The following PCDHGB2 variants were observed in gnomAD, a reference collection of about 807,000 sequenced individuals.
The protein encoded by PCDHGB2 is protocadherin gamma subfamily B, 2, also known as protocadherin gamma-B2.
PCDHGB2 carries 55 observed loss-of-function variants against 59.3 expected under a neutral mutation model. The ratio of observed to expected loss-of-function variants is 0.93; its 90% CI spans 0.75 to 1.16. The LOEUF (loss-of-function observed/expected upper bound fraction) is 1.16. PCDHGB2 is among the 50% of genes most tolerant of loss of function. The probability of loss-of-function intolerance (pLI) is 0.00; values close to 1 mark genes in which losing one functional copy is unlikely to be tolerated. For synonymous variants in PCDHGB2, 516 were observed against 512.0 expected (o/e 1.01, Z -0.11); for missense variants, 1,228 against 1,198.5 (o/e 1.02, Z -0.36).
intron 1 of PCDHGB2, chr5:141,408,124 G>A: frequency 1.4e-6 from 2 of 1,478,862 alleles, no homozygotes; most frequent in Non-Finnish European, 1.8e-6. Context: ...CCTGTCCTGG[G>A]CCGAATGCTC....
At chr5:141,458,319 T>C (rs2879229) in intron 1 of PCDHGB2, among the ~76,000 whole-genome samples, 84,591 of 151,864 alleles carry the variant, frequency 0.56, 26,265 homozygotes, top group African/African-American at 0.85. Flanking sequence ...CACAGACACA[T>C]GTGGAGTGGT....
At chr5:141,423,003 G>A (rs779233337) in intron 1 of PCDHGB2, 1 of 1,614,208 alleles carries the variant, frequency 6.2e-7, no homozygotes, top group African/African-American at 1.3e-5. Flanking sequence ...TGACCAAGGT[G>A]GTTGCGGTGG....
chr5:141,405,279 C>G, intron 1 of PCDHGB2: 1 of 1,614,144 alleles, frequency 6.2e-7, no homozygotes, highest in Non-Finnish European at 8.5e-7. Flanking sequence ...CCCAACTATG[C>G]AGACACACTC....
intron 1 of PCDHGB2, among the ~76,000 whole-genome samples, chr5:141,456,303 G>A (rs941370138): frequency 6.6e-6 from 1 of 152,156 alleles, no homozygotes; most frequent in Non-Finnish European, 1.5e-5. Flanking sequence ...ATGGAGAACA[G>A]CAGCTAGGGC....
At chr5:141,378,150 T>C (rs915126320) in intron 1 of PCDHGB2, 8 of 152,250 alleles carry the variant, frequency 5.3e-5, no homozygotes, top group African/African-American at 1.7e-4. Flanking sequence ...ATTATAATTA[T>C]TGGGTTGTTA....
rs769467027 is a variant in PCDHGB2, at chr5:141,477,255, A to G, written c.2422-17552A>G. On this transcript the variant is annotated intron_variant, in intron 1 of 3. Transcript: ENST00000522605. This position sits in a 1 kb window ranked among gnomAD's most constrained non-coding sequence, Gnocchi z 4.9. ...GCTTTGCTCAGTGTGACTGACCTGGATGCTGGCGAGAACGGGCTGGTGACC... is the reference window on the plus strand; with the variant it reads ...GCTTTGCTCAGTGTGACTGACCTGGGTGCTGGCGAGAACGGGCTGGTGACC... 1 of 1,614,146 alleles carries G rather than the reference A, an allele frequency of 6.2e-7. No individual in the cohort carries two copies. Among genetic ancestry groups the G allele is most frequent in the East Asian group, 2.2e-5 (1 of 44,874 alleles).
chr5:141,432,053 C>T lies in PCDHGB2; in HGVS notation c.2422-62754C>T. The T allele has an allele frequency of 6.2e-7, 1 of 1,614,240 alleles. No homozygotes were observed. Among genetic ancestry groups the T allele is most frequent in the South Asian group, 1.1e-5 (1 of 91,082 alleles). ...CGCCACTGACCGGGGAACCCCGCCC[C>T]TATCCACGGAAACTCATATCTCGCT... On this transcript the variant is annotated intron_variant, in intron 1 of 3. Transcript: ENST00000522605. The surrounding 1 kb of genome is among the most constrained non-coding windows in gnomAD (Gnocchi z 6.0).
intron 1 of PCDHGB2, among the ~76,000 whole-genome samples, chr5:141,479,798 G>C (rs892288776): frequency 6.6e-6 from 1 of 152,234 alleles, no homozygotes; most frequent in East Asian, 1.9e-4. Context: ...ATTAATTCAG[G>C]GTGGTATGCA....
intron 1 of PCDHGB2, chr5:141,409,728 C>G (rs13184503): frequency 6.2e-7 from 1 of 1,613,134 alleles, no homozygotes; most frequent in Admixed American, 1.7e-5. Flanking sequence ...TCAGTGAGCG[C>G]GCAGAGCGGG....
intron 1 of PCDHGB2, among the ~76,000 whole-genome samples, chr5:141,387,483 C>G (rs771352001): frequency 6.6e-6 from 1 of 152,204 alleles, no homozygotes; most frequent in Non-Finnish European, 1.5e-5. Flanking sequence ...GGGATGAAGG[C>G]ATTCCTAAGA....
intron 1 of PCDHGB2, chr5:141,421,248 C>G: frequency 1.2e-6 from 2 of 1,604,936 alleles, no homozygotes; most frequent in Middle Eastern, 1.7e-4. Flanking sequence ...GGCTACAGCG[C>G]GGGGACCGCA....
rs1375469711 is a variant in PCDHGB2, at chr5:141,512,102, C to A, written c.*929C>A. On this transcript the variant is annotated 3_prime_UTR_variant, in exon 4 of 4. Coordinates refer to ENST00000522605, the MANE Select transcript of PCDHGB2 (RefSeq NM_018923.3). ...GCCATAAACCAATAACTAGGCTGGA[C>A]CCTTCCCACTACATAATAGGGCTCA... The A allele has an allele frequency of 6.5e-6, 1 of 152,688 alleles. No individual in the cohort carries two copies. Among genetic ancestry groups the A allele is most frequent in the Non-Finnish European group, 1.5e-5 (1 of 68,070 alleles). The allele number at this position is 152,688 out of a possible 1,614,324, so 9.5% of individuals were successfully genotyped here. A position where few individuals can be genotyped will look rare whatever the true frequency, so the allele number is the denominator to read the frequency against.
At chr5:141,373,226 A>G (rs540520010) in intron 1 of PCDHGB2, among the ~76,000 whole-genome samples, 4 of 152,364 alleles carry the variant, frequency 2.6e-5, no homozygotes, top group Middle Eastern at 6.8e-3. Context: ...TAACCTGTAT[A>G]TAATATTTTT....
chr5:141,387,763 A>T, intron 1 of PCDHGB2: 2 of 1,425,584 alleles, frequency 1.4e-6, no homozygotes, highest in South Asian at 1.5e-5. Context: ...GAAAAAGAAG[A>T]ATTTTTTCTT....
chr5:141,501,327 AC>A (rs1208116606), intron 2 of PCDHGB2, among the ~76,000 whole-genome samples: 2 of 151,364 alleles, frequency 1.3e-5, no homozygotes, highest in Non-Finnish European at 2.9e-5. Context: ...ACACACACAC[AC>A]ACACACCCCA....
rs2099692694 is a variant in PCDHGB2, at chr5:141,489,817, GAGCTGGTGCTAGAGCAGC to G, written c.2422-4983_2422-4966del. On this transcript the variant is annotated intron_variant, in intron 1 of 3. Transcript: ENST00000522605. This position sits in a 1 kb window ranked among gnomAD's most constrained non-coding sequence, Gnocchi z 4.5. ...CCTAAAAGATGGGAAGCCATTCCCA[GAGCTGGTGCTAGAGCAGC>G]AGCTGGATCGTGAAGCCCAGGCAAG... 6 of 1,613,992 alleles carry G rather than the reference GAGCTGGTGCTAGAGCAGC, an allele frequency of 3.7e-6. No individual in the cohort carries two copies. Among genetic ancestry groups the G allele is most frequent in the Non-Finnish European group, 5.1e-6 (6 of 1,179,944 alleles).
intron 1 of PCDHGB2, chr5:141,414,753 T>A: frequency 6.2e-7 from 1 of 1,614,202 alleles, no homozygotes; most frequent in Non-Finnish European, 8.5e-7. Flanking sequence ...CCTTCGACTA[T>A]GAGCAGTTTC....
intron 1 of PCDHGB2, chr5:141,398,750 A>G (rs144881560): frequency 1.1e-5 from 17 of 1,613,502 alleles, no homozygotes; most frequent in Middle Eastern, 1.6e-4. Flanking sequence ...CAGAGTTACC[A>G]TCGTTTAGTC....
Position 141,476,562 on chromosome 5 carries a change from C to G in PCDHGB2, c.2422-18245C>G. 1 of 1,614,218 alleles carries G rather than the reference C, an allele frequency of 6.2e-7. No individual in the cohort carries two copies. The highest frequency in any genetic ancestry group is 1.1e-5 in the South Asian group (1 of 91,088). On this transcript the variant is annotated intron_variant, in intron 1 of 3. Transcript: ENST00000522605. This position sits in a 1 kb window ranked among gnomAD's most constrained non-coding sequence, Gnocchi z 7.6. The stretch of plus-strand genomic sequence containing the variant: ...AAATTGGAGATTAGCGAGGCCGTGG[C>G]TCCGGGGACGCGCTTTCCGCTCGAG...
Sources: allele counts gnomAD v4.1 joint callset (sites outside exome capture counted in the v4.1 genomes callset), GRCh38; gene constraint gnomAD v4.1.1; non-coding constraint Gnocchi (gnomAD v3.1); transcripts MANE v1.5; gene names NCBI Gene and HGNC (gene_info 2026-07-23, HGNC 2026-07-21).